Variants in NTM observed in about 807,000 individuals in gnomAD.
The protein encoded by NTM is IgLON family member 2.
Under a neutral mutation model 42.1 loss-of-function variants are expected in NTM, and 13 were observed. The ratio of observed to expected loss-of-function variants is 0.31; its 90% confidence interval spans 0.20 to 0.49. The LOEUF (loss-of-function observed/expected upper bound fraction) is 0.49, where lower values mean the gene tolerates loss of function less well. Among genes scored for constraint, NTM ranks in the 20% least tolerant of loss-of-function variants. The pLI, the probability that NTM is intolerant of heterozygous loss-of-function variation, is 0.99. For synonymous variants in NTM, 187 were observed against 179.2 expected, an observed-to-expected ratio of 1.04 and a Z score of -0.35; for missense variants, 373 against 452.8, an observed-to-expected ratio of 0.82 and a Z score of 1.60.
intron 4 of NTM, among the ~76,000 whole-genome samples, chr11:132,305,082 G>T: frequency 6.6e-6 from 1 of 152,160 alleles, no homozygotes; most frequent in African/African-American, 2.4e-5. Context: ...AAACTGATGA[G>T]TTCTCGATTT....
chr11:131,652,514 C>G lies in NTM; in HGVS notation c.83-259050C>G, dbSNP rs185581482. Among the ~76,000 whole-genome samples, 403 of 152,316 alleles carry G rather than the reference C, an allele frequency of 2.6e-3. 1 individual carries two copies. The highest frequency in any genetic ancestry group is 6.8e-3 in the Middle Eastern group (2 of 294). On this transcript the variant is annotated intron_variant, in intron 1 of 8. Transcript: ENST00000683400. Reference sequence around the variant, plus strand: ...ACCCAGGCTCATCTCCTGACATGCTCAACTCACTCTCACAGTTGATGTTTT... The same window carrying G: ...ACCCAGGCTCATCTCCTGACATGCTGAACTCACTCTCACAGTTGATGTTTT...
At chr11:131,382,379 A>G (rs1023636990) in intron 1 of NTM, among the ~76,000 whole-genome samples, 5 of 152,234 alleles carry the variant, frequency 3.3e-5, no homozygotes, top group African/African-American at 9.6e-5. Context: ...AAATAAAAAA[A>G]TAATTGAGTA....
chr11:132,019,925 A>G (rs2074064447), intron 2 of NTM, among the ~76,000 whole-genome samples: 1 of 151,862 alleles, frequency 6.6e-6, no homozygotes, highest in African/African-American at 2.4e-5. Flanking sequence ...GGTTTGGAAT[A>G]TGATTGAATC....
intron 2 of NTM, among the ~76,000 whole-genome samples, chr11:131,961,383 G>A (rs2062149320): frequency 6.6e-6 from 1 of 152,190 alleles, no homozygotes; most frequent in African/African-American, 2.4e-5. Flanking sequence ...TTTTTCAGAG[G>A]CTATTCCAAA....
At position 132,310,227 on chromosome 11, in the gene NTM, C is replaced by T. The variant is rs1273663720; in HGVS notation, c.777C>T (p.Asp259=). 2 of 1,598,452 alleles carry T rather than the reference C, an allele frequency of 1.3e-6. No homozygotes were observed. The highest frequency in any genetic ancestry group is 2.3e-5 in the East Asian group (1 of 44,124). ...CAGAATTCCAGTGGTACAAGGATGACAAAAGGTAAAGCTTCCTTCTTTCCT... is the reference window on the plus strand; with the variant it reads ...CAGAATTCCAGTGGTACAAGGATGATAAAAGGTAAAGCTTCCTTCTTTCCT... ...PSAEFQWYKD[D]KRLIEGKKGV... Residue 259 remains aspartate, a synonymous_variant, in exon 6 of 9, where the codon GAC becomes GAT. Coordinates refer to ENST00000683400, the MANE Select transcript of NTM (RefSeq NM_001352005.2).
chr11:131,669,428 T>C (rs1040715881), intron 1 of NTM, among the ~76,000 whole-genome samples: 2 of 152,144 alleles, frequency 1.3e-5, no homozygotes, highest in East Asian at 1.9e-4. Context: ...AAGTGAGGTG[T>C]GCATGTGAGA....
chr11:131,815,938 G>A (rs936488883), intron 1 of NTM, among the ~76,000 whole-genome samples: 18 of 152,188 alleles, frequency 1.2e-4, no homozygotes, highest in South Asian at 2.1e-4. Context: ...TTGTGAGCTG[G>A]GGAAACTGGG....
Position 131,736,454 on chromosome 11 carries a change from C to T in NTM, c.83-175110C>T, listed in dbSNP as rs549051486. On this transcript the variant is annotated intron_variant, in intron 1 of 8. Transcript: ENST00000683400. ...AAAACCACATTATCTGTCTGAGGTC[C>T]AAACTCTTCTCCACTTACAAAGCTC... 8.7e-4 allele frequency among the ~76,000 whole-genome samples: 132 copies of T among 152,258 alleles called. No homozygotes were observed. In the Middle Eastern group the frequency reaches 0.01, roughly 12 times the overall value.
intron 1 of NTM, among the ~76,000 whole-genome samples, chr11:131,741,350 G>A (rs1416729787): frequency 6.6e-6 from 1 of 152,130 alleles, no homozygotes; most frequent in African/African-American, 2.4e-5. Flanking sequence ...TTGTGGGAGT[G>A]GAGCCTTCAT....
chr11:131,409,349 C>T (rs977118503), intron 1 of NTM, among the ~76,000 whole-genome samples: 2 of 152,196 alleles, frequency 1.3e-5, no homozygotes, highest in African/African-American at 4.8e-5. Flanking sequence ...ATCTGGGCTA[C>T]AAAGAGGTGT....
At chr11:131,744,356 TC>T (rs2081541781) in intron 1 of NTM, among the ~76,000 whole-genome samples, 1 of 152,218 alleles carries the variant, frequency 6.6e-6, no homozygotes, top group Non-Finnish European at 1.5e-5. Flanking sequence ...TACATGTTTT[TC>T]CCATCTAACA....
intron 2 of NTM, among the ~76,000 whole-genome samples, chr11:131,959,989 G>C (rs1425144732): frequency 1.3e-5 from 2 of 152,190 alleles, no homozygotes; most frequent in Non-Finnish European, 2.9e-5. Context: ...GACCTGAGTA[G>C]GCTTGCAAAG....
intron 1 of NTM, among the ~76,000 whole-genome samples, chr11:131,787,365 T>TTATTATTATTATTAC (rs1001705675): frequency 1.4e-5 from 2 of 147,606 alleles, no homozygotes; most frequent in Non-Finnish European, 3.0e-5. Context: ...ATTATTATTA[T>TTATTATTATTATTAC]TATTATTATT....
intron 1 of NTM, among the ~76,000 whole-genome samples, chr11:131,841,393 G>A (rs1158823340): frequency 2.6e-5 from 4 of 152,172 alleles, no homozygotes; most frequent in Non-Finnish European, 5.9e-5. Flanking sequence ...TGTGCTAGGT[G>A]TTAGAGCTAC....
chr11:131,384,727 A>G (rs1943102913), intron 1 of NTM, among the ~76,000 whole-genome samples: 1 of 152,192 alleles, frequency 6.6e-6, no homozygotes. Context: ...GAAAAGAAGA[A>G]GAAAGACTGC....
intron 1 of NTM, among the ~76,000 whole-genome samples, chr11:131,453,702 G>C (rs1245026490): frequency 3.3e-5 from 5 of 152,208 alleles, no homozygotes; most frequent in South Asian, 2.1e-4. Flanking sequence ...ACTGTCTAAA[G>C]TTCCCAAACC....
chr11:131,471,946 G>A (rs764650677), intron 1 of NTM, among the ~76,000 whole-genome samples: 10 of 152,200 alleles, frequency 6.6e-5, no homozygotes, highest in Non-Finnish European at 1.5e-4. Flanking sequence ...AGAGATTCCA[G>A]TGGGAGCATG....
intron 1 of NTM, among the ~76,000 whole-genome samples, chr11:131,551,546 T>C (rs773108287): frequency 9.2e-5 from 14 of 152,306 alleles, no homozygotes; most frequent in Middle Eastern, 6.8e-3. Flanking sequence ...AATTTAGCAT[T>C]GGTAAAACCA....
chr11:132,082,065 A>T (rs1405561787), intron 2 of NTM, among the ~76,000 whole-genome samples: 2 of 151,526 alleles, frequency 1.3e-5, no homozygotes, highest in Non-Finnish European at 2.9e-5. Context: ...AAAAGATAAA[A>T]AAAAAAACCC....
Sources: gnomAD v4.1 joint callset for allele counts (sites outside exome capture counted in the v4.1 genomes callset) on GRCh38, gnomAD v4.1.1 for gene constraint, MANE v1.5 for transcripts, NCBI Gene and HGNC (gene_info 2026-07-23, HGNC 2026-07-21) for gene names.